Variants in MYO1D observed in about 807,000 individuals in gnomAD.
MYO1D encodes the protein myosin ID.
MYO1D carries 83 observed loss-of-function variants against 122.0 expected under a neutral mutation model. The ratio of observed to expected loss-of-function variants is 0.68; its 90% CI spans 0.57 to 0.82. The LOEUF (loss-of-function observed/expected upper bound fraction) is 0.82. Among genes scored for constraint, MYO1D ranks in the 40% least tolerant of loss-of-function variants. The pLI is 0.00. For missense variants in MYO1D, 1,157 were observed against 1,269.5 expected, an observed-to-expected ratio of 0.91 and a Z score of 1.35; for synonymous variants, 464 against 446.9, an observed-to-expected ratio of 1.04 and a Z score of -0.48.
chr17:32,780,635 G>C lies in MYO1D; in HGVS notation c.245C>G (p.Ala82Gly), dbSNP rs781528302. The stretch of plus-strand genomic sequence containing the variant: ...CTTCATAGCCTTGTAAGCAGCATCC[G>C]CAATAGCAAAAAGGTGAGGCGGTCT... ...YERPPHLFAI[A>G]DAAYKAMKRR... Residue 82 changes from alanine to glycine, a missense_variant, in exon 2 of 22, where the codon GCG (alanine) becomes GGG (glycine). Transcript: ENST00000318217. The C allele has an allele frequency of 6.2e-7, 1 of 1,613,876 alleles. No individual in the cohort carries two copies. The highest frequency in any genetic ancestry group is 1.7e-5 in the Admixed American group (1 of 59,986).
At chr17:32,642,344 T>G (rs982080217) in intron 19 of MYO1D, among the ~76,000 whole-genome samples, 19 of 152,346 alleles carry the variant, frequency 1.2e-4, no homozygotes, top group Admixed American at 6.5e-4. Context: ...CCTTGTAGTA[T>G]AGTTTGAAGT....
chr17:32,623,547 T>C lies in MYO1D; in HGVS notation c.2709+15175A>G, dbSNP rs796472768. ...TTCTTTATCTTATACTACTCTTGTT[T>C]AAGGAAAATCTTTTGATGAGACTGT... On this transcript the variant is annotated intron_variant, in intron 20 of 21. Transcript: ENST00000318217. 3.3e-5 allele frequency among the ~76,000 whole-genome samples: 5 copies of C among 152,336 alleles called. 1 individual carries two copies. Among genetic ancestry groups the C allele is most frequent in the African/African-American group, 1.2e-4 (5 of 41,568 alleles).
intron 21 of MYO1D, chr17:32,512,849 C>T (rs1237874817): frequency 1.3e-5 from 2 of 152,270 alleles, no homozygotes; most frequent in South Asian, 2.1e-4. Context: ...ACCCTACAGA[C>T]AAGAAGGCGA....
chr17:32,638,740 C>T lies in MYO1D; in HGVS notation c.2691G>A (p.Lys897=). ...MDPTKQYKVM[K]TIPLYNLTGL... is the part of the protein sequence containing the mutation. ...GACTTACATTGTATAGAGGGATAGT[C>T]TTCATCACCTTGTACTGTTTAGTGG... is the stretch of plus-strand genomic sequence containing the variant. The change falls in exon 20 of 22, where the codon AAG becomes AAA. Residue 897 remains lysine, a synonymous_variant. Transcript: ENST00000318217. 1.2e-6 allele frequency: 2 copies of T among 1,612,944 alleles called. No individual in the cohort carries two copies. The highest frequency in any genetic ancestry group is 1.7e-6 in the Non-Finnish European group (2 of 1,179,042).
intron 21 of MYO1D, among the ~76,000 whole-genome samples, chr17:32,566,447 C>A (rs2087174242): frequency 6.6e-6 from 1 of 152,034 alleles, no homozygotes; most frequent in South Asian, 2.1e-4. Context: ...GAGGGGCTTT[C>A]CTTGAGGAAG....
intron 21 of MYO1D, among the ~76,000 whole-genome samples, chr17:32,514,912 A>G (rs1909837215): frequency 6.6e-6 from 1 of 152,262 alleles, no homozygotes. Context: ...TTTGGAATCA[A>G]TAGTTTAGGG....
At chr17:32,550,666 A>C (rs763128501) in intron 21 of MYO1D, among the ~76,000 whole-genome samples, 10 of 152,202 alleles carry the variant, frequency 6.6e-5, no homozygotes, top group Non-Finnish European at 1.5e-4. Context: ...ACTTCTAAAA[A>C]GTATTTGGGG....
At chr17:32,532,567 A>C (rs1910538917) in intron 21 of MYO1D, among the ~76,000 whole-genome samples, 2 of 152,044 alleles carry the variant, frequency 1.3e-5, no homozygotes. Flanking sequence ...CTCTACTAAA[A>C]ATACAAAAAA....
chr17:32,552,435 T>TCCATCCATCCATCCATCCATCCAC (rs1567887106), intron 21 of MYO1D, among the ~76,000 whole-genome samples: 2 of 151,358 alleles, frequency 1.3e-5, no homozygotes, highest in African/African-American at 4.9e-5. Flanking sequence ...CATCCATCCA[T>TCCATCCATCCATCCATCCATCCAC]CCATCCATCC....
At chr17:32,735,123 CGA>C in intron 14 of MYO1D, among the ~76,000 whole-genome samples, 1 of 148,946 alleles carries the variant, frequency 6.7e-6, no homozygotes, top group South Asian at 2.1e-4. Flanking sequence ...CACACACACA[CGA>C]ACCCAAAATG....
At chr17:32,667,695 A>ACC (rs1347608363) in intron 16 of MYO1D, among the ~76,000 whole-genome samples, 5 of 152,080 alleles carry the variant, frequency 3.3e-5, no homozygotes, top group Admixed American at 2.6e-4. Flanking sequence ...AGAAGTGACC[A>ACC]CCCCTGAGCT....
At chr17:32,548,486 G>C (rs1474613563) in intron 21 of MYO1D, among the ~76,000 whole-genome samples, 6 of 151,844 alleles carry the variant, frequency 4.0e-5, no homozygotes, top group African/African-American at 1.5e-4. Flanking sequence ...GCAGAGGAGG[G>C]AAAATGAGAA....
intron 21 of MYO1D, among the ~76,000 whole-genome samples, chr17:32,501,844 C>T (rs145423546): frequency 1.9e-3 from 292 of 152,228 alleles, no homozygotes; most frequent in African/African-American, 6.6e-3. Context: ...TTAATTGAAC[C>T]CAAAGAGGAG....
intron 11 of MYO1D, 132 bp downstream of exon 11, chr17:32,755,360 T>C: frequency 1.1e-6 from 1 of 936,060 alleles, no homozygotes; most frequent in Admixed American, 2.8e-5. Context: ...AATCATTTAA[T>C]GAATGTTTAT....
chr17:32,552,452 C>CCATCCATCCATT (rs1555625161), intron 21 of MYO1D, among the ~76,000 whole-genome samples: 113 of 132,734 alleles, frequency 8.5e-4, no homozygotes, highest in African/African-American at 3.0e-3. Flanking sequence ...ATCCATCCAT[C>CCATCCATCCATT]CATCCATCCA....
At chr17:32,563,640 T>C (rs2087147096) in intron 21 of MYO1D, among the ~76,000 whole-genome samples, 1 of 152,126 alleles carries the variant, frequency 6.6e-6, no homozygotes, top group South Asian at 2.1e-4. Context: ...AAACGGACAA[T>C]AAAAAGACAT....
chr17:32,653,993 T>C (rs779457203), intron 18 of MYO1D, 46 bp from the exon 19 acceptor site: 8 of 1,488,872 alleles, frequency 5.4e-6, no homozygotes, highest in Middle Eastern at 1.7e-4. Flanking sequence ...CTTAGCATTT[T>C]AGAAGGAAAG....
intron 20 of MYO1D, among the ~76,000 whole-genome samples, chr17:32,626,364 TC>T (rs2087928464): frequency 6.6e-6 from 1 of 152,260 alleles, no homozygotes; most frequent in African/African-American, 2.4e-5. Flanking sequence ...TTTAAAGCCA[TC>T]TTGCCTCTAG....
chr17:32,876,107 TCAGA>T (rs960698036), intron 1 of MYO1D, among the ~76,000 whole-genome samples: 7 of 152,042 alleles, frequency 4.6e-5, no homozygotes, highest in African/African-American at 1.7e-4. Context: ...CTTGTCAAAT[TCAGA>T]CAGTTTATCT....
Sources: allele counts gnomAD v4.1 joint callset (sites outside exome capture counted in the v4.1 genomes callset), GRCh38; gene constraint gnomAD v4.1.1; transcripts MANE v1.5; gene names NCBI Gene and HGNC (gene_info 2026-07-23, HGNC 2026-07-21).